The following PLPPR2 variants were observed in gnomAD, a reference collection of about 807,000 sequenced individuals.
PLPPR2 encodes phospholipid phosphatase-related protein type 2.
Under a neutral mutation model 40.3 loss-of-function variants are expected in PLPPR2, and 11 were observed. The ratio of observed to expected loss-of-function variants is 0.27; its 90% CI spans 0.17 to 0.45. The LOEUF (loss-of-function observed/expected upper bound fraction) is 0.45. Ranked by LOEUF, PLPPR2 falls within the 20% of genes least tolerant of loss-of-function variation. PLPPR2 has a pLI of 1.00. For synonymous variants in PLPPR2, 260 were observed against 290.8 expected, an observed-to-expected ratio of 0.89 and a Z score of 1.08; for missense variants, 497 against 640.7, an observed-to-expected ratio of 0.78 and a Z score of 2.42.
At chr19:11,358,764 G>A (rs1967964331) in intron 3 of PLPPR2, among the ~76,000 whole-genome samples, 1 of 151,522 alleles carries the variant, frequency 6.6e-6, no homozygotes, top group Non-Finnish European at 1.5e-5. Context: ...GCCCAGGCTG[G>A]AGTGCAGTGG....
rs560788851 is a variant in PLPPR2 at position 11,361,401 on chromosome 19, T to C, written c.576T>C (p.Ala192=). ...DRFVTDQGAC[A]GSPSLVAAAR... ...TTGTCACTGACCAGGGTGCCTGCGCTGGCAGTCCCAGCCTCGTGGCCGCCG... is the reference window on the plus strand; with the variant it reads ...TTGTCACTGACCAGGGTGCCTGCGCCGGCAGTCCCAGCCTCGTGGCCGCCG... The change falls in exon 6 of 10, where the codon GCT becomes GCC. Residue 192 remains alanine (A), a synonymous_variant. Coordinates refer to ENST00000688289, the MANE Select transcript of PLPPR2 (RefSeq NM_001393892.1). This position sits in a 1 kb window ranked among gnomAD's most constrained non-coding sequence, Gnocchi z 6.3. The C allele has an allele frequency of 1.8e-5, 29 of 1,609,912 alleles. No homozygotes were observed. In the South Asian group the frequency reaches 3.0e-4, roughly 16 times the overall value.
At position 11,359,692 on chromosome 19, in the gene PLPPR2, C is replaced by G; in HGVS notation, c.227C>G (p.Ala76Gly). The G allele has an allele frequency of 6.2e-7, 1 of 1,604,028 alleles. No homozygotes were observed. Among genetic ancestry groups the G allele is most frequent in the African/African-American group, 1.3e-5 (1 of 74,940 alleles). Reference sequence around the variant, plus strand: ...CGAGTGCCTCCTGCTCTTGTCTACGCACTGGTCACTGCCGGGCCCACCCTC... The same window carrying G: ...CGAGTGCCTCCTGCTCTTGTCTACGGACTGGTCACTGCCGGGCCCACCCTC... ...ASRVPPALVYALVTAGPTLTI... is the reference protein window; with the variant it reads ...ASRVPPALVYGLVTAGPTLTI... Residue 76 changes from alanine (A) to glycine (G), a missense_variant, in exon 4 of 10, where the codon GCA becomes GGA. Physicochemically the swap from Ala to Gly is moderately conservative, Grantham distance 60. Transcript: ENST00000688289. The surrounding 1 kb of genome is among the most constrained non-coding windows in gnomAD (Gnocchi z 5.6).
rs778217065 is a variant in PLPPR2 at position 11,361,538 on chromosome 19, C to T, written c.663+50C>T. The T allele has an allele frequency of 3.2e-6, 5 of 1,544,694 alleles. No homozygotes were observed. In the East Asian group the frequency reaches 6.8e-5, roughly 21 times the overall value. ...GGAAATGGGTGTGCAGGCTGGACAG[C>T]GACCAGCAGCTAGGAAGCCGCCAGG... On this transcript the variant is annotated intron_variant, in intron 6 of 9. Transcript: ENST00000688289. The surrounding 1 kb of genome is among the most constrained non-coding windows in gnomAD (Gnocchi z 6.3).
chr19:11,360,286 CA>C (rs71164193), intron 5 of PLPPR2, among the ~76,000 whole-genome samples: 14,513 of 85,126 alleles, frequency 0.17, 673 homozygotes, highest in Middle Eastern at 0.26. Context: ...AACTCCGTCT[CA>C]AAAAAAAAAA....
Position 11,363,614 on chromosome 19 carries a change from G to A in PLPPR2, c.841-99G>A, listed in dbSNP as rs577034088. On this transcript the variant is annotated intron_variant, in intron 7 of 9. Transcript: ENST00000688289. The surrounding 1 kb of genome is among the most constrained non-coding windows in gnomAD (Gnocchi z 4.8). ...TATGCATTAGCTGTTTTTGAAAACC[G>A]GAGCCTCACTTTCCTTATCTGAAAA... is the stretch of plus-strand genomic sequence containing the variant. 92 of 1,388,048 alleles carry A rather than the reference G, an allele frequency of 6.6e-5. No individual in the cohort carries two copies. In the Middle Eastern group the frequency reaches 7.6e-4, roughly 12 times the overall value. 86.0% of individuals were successfully genotyped at this position (1,388,048 alleles called of 1,614,324 possible).
In PLPPR2 at chr19:11,363,641, T is replaced by C; in HGVS notation, c.841-72T>C. The C allele has an allele frequency of 2.0e-6, 3 of 1,497,110 alleles. No homozygotes were observed. Among genetic ancestry groups the C allele is most frequent in the Non-Finnish European group, 1.8e-6 (2 of 1,115,812 alleles). 92.7% of individuals were successfully genotyped at this position (1,497,110 alleles called of 1,614,324 possible). A position where few individuals can be genotyped will look rare whatever the true frequency, so the allele number is the denominator to read the frequency against. ...AGCCTCACTTTCCTTATCTGAAAAA[T>C]GGGGATGGTATTTACATGGCTCCTA... On this transcript the variant is annotated intron_variant, in intron 7 of 9. Transcript: ENST00000688289. This position sits in a 1 kb window ranked among gnomAD's most constrained non-coding sequence, Gnocchi z 4.8.
Position 11,364,965 on chromosome 19 carries a change from C to A in PLPPR2, c.*275C>A. ...TTGGCCATTGCCTGGCTAATGAGAA[C>A]CCCTGGTTCTCAGAATTTTAACCAA... On this transcript the variant is annotated 3_prime_UTR_variant, in exon 10 of 10. Coordinates refer to ENST00000688289, the MANE Select transcript of PLPPR2 (RefSeq NM_001393892.1). The surrounding 1 kb of genome is among the most constrained non-coding windows in gnomAD (Gnocchi z 5.8). 2.0e-6 allele frequency: 1 copy of A among 496,142 alleles called. No homozygotes were observed. The highest frequency in any genetic ancestry group is 2.8e-5 in the South Asian group (1 of 35,368). The allele number at this position is 496,142 out of a possible 1,614,324, so 30.7% of individuals were successfully genotyped here. A position where few individuals can be genotyped will look rare whatever the true frequency, so the allele number is the denominator to read the frequency against.
In PLPPR2 at chr19:11,359,886, G is replaced by A. The variant is rs376626824; in HGVS notation, c.321G>A (p.Gly107=). Residue 107 remains glycine (G), a synonymous_variant, in exon 5 of 10, where the codon GGG becomes GGA. Transcript: ENST00000688289. The surrounding 1 kb of genome is among the most constrained non-coding windows in gnomAD (Gnocchi z 5.6). ...PAPPSAVPVI[G]ESTIVSGACC... The stretch of plus-strand genomic sequence containing the variant: ...CACCTTCAGCCGTCCCAGTCATCGG[G>A]GAGAGCACCATCGTGTCTGGGGCCT... 6.2e-7 allele frequency: 1 copy of A among 1,613,904 alleles called. No individual in the cohort carries two copies. Among genetic ancestry groups the A allele is most frequent in the African/African-American group, 1.3e-5 (1 of 75,074 alleles).
In PLPPR2 at chr19:11,362,487, C is replaced by G. The variant is rs1277359188; in HGVS notation, c.664-26C>G. The G allele has an allele frequency of 5.6e-6, 9 of 1,606,772 alleles. No homozygotes were observed. The African/African-American group carries it at 1.1e-4, about 19-fold the overall frequency. ...GGTTCGGCGACTTGCCTCCGCTATC[C>G]CCCTGACCAGTCCGGCTCCCCGCAG... On this transcript the variant is annotated intron_variant, in intron 6 of 9. Transcript: ENST00000688289. This position sits in a 1 kb window ranked among gnomAD's most constrained non-coding sequence, Gnocchi z 5.3.
Position 11,364,053 on chromosome 19 carries a change from A to G in PLPPR2, c.964-108A>G. ...CAGGGGGACACGGTTAATCATGAGA[A>G]CTGTGGTTGTCTTTTCCATGGGGCT... On this transcript the variant is annotated intron_variant, in intron 8 of 9. Transcript: ENST00000688289. This position sits in a 1 kb window ranked among gnomAD's most constrained non-coding sequence, Gnocchi z 5.8. 6.9e-7 allele frequency: 1 copy of G among 1,441,324 alleles called. No individual in the cohort carries two copies. The highest frequency in any genetic ancestry group is 9.4e-7 in the Non-Finnish European group (1 of 1,060,986). 89.3% of individuals were successfully genotyped at this position (1,441,324 alleles called of 1,614,324 possible). A position where few individuals can be genotyped will look rare whatever the true frequency, so the allele number is the denominator to read the frequency against.
chr19:11,362,459 T>C lies in PLPPR2; in HGVS notation c.664-54T>C, dbSNP rs771068924. The C allele has an allele frequency of 9.4e-6, 15 of 1,599,044 alleles. No homozygotes were observed. The highest frequency in any genetic ancestry group is 5.0e-5 in the Admixed American group (3 of 59,980). ...CTCTAGCCCAGAAAGGAGCGTCCACTTGGGTTCGGCGACTTGCCTCCGCTA... is the reference window on the plus strand; with the variant it reads ...CTCTAGCCCAGAAAGGAGCGTCCACCTGGGTTCGGCGACTTGCCTCCGCTA... On this transcript the variant is annotated intron_variant, in intron 6 of 9. Transcript: ENST00000688289. This position sits in a 1 kb window ranked among gnomAD's most constrained non-coding sequence, Gnocchi z 5.3.
At chr19:11,358,711 CCTCT>C (rs929478584) in intron 3 of PLPPR2, among the ~76,000 whole-genome samples, 38 of 150,612 alleles carry the variant, frequency 2.5e-4, no homozygotes, top group African/African-American at 8.8e-4. Context: ...TCCCTCCCTC[CCTCT>C]CTCTCTTTCT....
Position 11,364,040 on chromosome 19 carries a change from GT to G in PLPPR2, c.964-119del. The G allele has an allele frequency of 7.1e-7, 1 of 1,412,796 alleles. No individual in the cohort carries two copies. Among genetic ancestry groups the G allele is most frequent in the South Asian group, 1.4e-5 (1 of 73,324 alleles). The allele number at this position is 1,412,796 out of a possible 1,614,324, so 87.5% of individuals were successfully genotyped here. Reference sequence around the variant, plus strand: ...CCCGTCTTCTTCCCAGGGGGACACGGTTAATCATGAGAACTGTGGTTGTCTT... The same window carrying G: ...CCCGTCTTCTTCCCAGGGGGACACGGTAATCATGAGAACTGTGGTTGTCTT... On this transcript the variant is annotated intron_variant, in intron 8 of 9. Coordinates refer to ENST00000688289, the MANE Select transcript of PLPPR2 (RefSeq NM_001393892.1). This position sits in a 1 kb window ranked among gnomAD's most constrained non-coding sequence, Gnocchi z 5.8.
chr19:11,358,550 T>C (rs1967955652), intron 3 of PLPPR2, among the ~76,000 whole-genome samples: 1 of 151,904 alleles, frequency 6.6e-6, no homozygotes, highest in Admixed American at 6.6e-5. Context: ...AATCTCACTC[T>C]CCCCATGCCC....
In PLPPR2 at chr19:11,359,861, C is replaced by G; in HGVS notation, c.296C>G (p.Pro99Arg). 1 of 1,613,688 alleles carries G rather than the reference C, an allele frequency of 6.2e-7. No homozygotes were observed. Among genetic ancestry groups the G allele is most frequent in the Non-Finnish European group, 8.5e-7 (1 of 1,179,696 alleles). Residue 99 changes from proline (P) to arginine (R), a missense_variant, in exon 5 of 10, where the codon CCA (proline) becomes CGA (arginine). By Grantham distance (103) the Pro-to-Arg change is moderately radical. Coordinates refer to ENST00000688289, the MANE Select transcript of PLPPR2 (RefSeq NM_001393892.1). The surrounding 1 kb of genome is among the most constrained non-coding windows in gnomAD (Gnocchi z 5.6). ...CTGGCGCGTGCCTTTTTCCCTGCAC[C>G]ACCTTCAGCCGTCCCAGTCATCGGG... ...GELARAFFPA[P>R]PSAVPVIGES...
chr19:11,360,466 A>G (rs750041347), intron 5 of PLPPR2, among the ~76,000 whole-genome samples: 1 of 152,022 alleles, frequency 6.6e-6, no homozygotes, highest in African/African-American at 2.4e-5. Context: ...GGGAAGGAAG[A>G]GGACCTGGAA....
rs1357551939 is a variant in PLPPR2 at position 11,363,111 on chromosome 19, T to C, written c.840+422T>C. Among the ~76,000 whole-genome samples the C allele has an allele frequency of 1.3e-5, 2 of 152,038 alleles. No homozygotes were observed. The highest frequency in any genetic ancestry group is 4.8e-5 in the African/African-American group (2 of 41,404). On this transcript the variant is annotated intron_variant, in intron 7 of 9. Transcript: ENST00000688289. The surrounding 1 kb of genome is among the most constrained non-coding windows in gnomAD (Gnocchi z 4.8). ...GAGTTCGAGACCAGCCTGGTCAACA[T>C]GGCCAAACCCTGTCCCTGCTAAAAA...
chr19:11,357,540 C>G, intron 2 of PLPPR2, 120 bp from the exon 3 acceptor site: 1 of 610,562 alleles, frequency 1.6e-6, no homozygotes. Context: ...AGGGCCTCCC[C>G]GGGTCTTCAG....
At chr19:11,358,009 C>T (rs563380829) in intron 3 of PLPPR2, among the ~76,000 whole-genome samples, 1 of 150,862 alleles carries the variant, frequency 6.6e-6, no homozygotes, top group African/African-American at 2.4e-5. Flanking sequence ...CACCAGAGTC[C>T]CAACTCATAG....
Sources: allele counts gnomAD v4.1 joint callset (sites outside exome capture counted in the v4.1 genomes callset), GRCh38; gene constraint gnomAD v4.1.1; non-coding constraint Gnocchi (gnomAD v3.1); transcripts MANE v1.5; gene names NCBI Gene and HGNC (gene_info 2026-07-23, HGNC 2026-07-21).